Variants in SLC2A13 observed in about 807,000 individuals in gnomAD.
SLC2A13 encodes proton myo-inositol cotransporter.
SLC2A13 carries 32 observed loss-of-function variants against 64.4 expected under a neutral mutation model. The observed-to-expected ratio is 0.50, with a 90% CI of 0.37 to 0.67. The LOEUF is 0.67. SLC2A13 is among the 30% of genes least tolerant of loss of function. SLC2A13 has a pLI of 0.00. For missense variants in SLC2A13, 743 were observed against 829.2 expected (o/e 0.90, Z 1.28); for synonymous variants, 338 against 327.1 (o/e 1.03, Z -0.36).
At chr12:40,064,801 G>T (rs1294634168) in intron 1 of SLC2A13, among the ~76,000 whole-genome samples, 17 of 152,146 alleles carry the variant, frequency 1.1e-4, no homozygotes, top group Admixed American at 1.1e-3. Flanking sequence ...ATTAGTTATA[G>T]TACTAGAAAT....
chr12:39,765,403 C>T (rs1014302308), intron 7 of SLC2A13, among the ~76,000 whole-genome samples: 1 of 152,072 alleles, frequency 6.6e-6, no homozygotes, highest in South Asian at 2.1e-4. Flanking sequence ...TCCCTGATGA[C>T]CTTGCCTTCT....
rs566177557 is a variant in SLC2A13, at chr12:40,063,654, G to A, written c.557-15444C>T. 2.8e-4 allele frequency among the ~76,000 whole-genome samples: 42 copies of A among 152,150 alleles called. No individual in the cohort carries two copies. The South Asian group carries it at 2.9e-3, about 11-fold the overall frequency. The stretch of plus-strand genomic sequence containing the variant: ...CAATGAAATGACAATAGCCATGCAC[G>A]TTCATTTGGATGACCAAGCCGGGGC... On this transcript the variant is annotated intron_variant, in intron 1 of 9. Coordinates refer to ENST00000280871, the MANE Select transcript of SLC2A13 (RefSeq NM_052885.4).
chr12:39,931,335 A>T (rs1023176081), intron 4 of SLC2A13, among the ~76,000 whole-genome samples: 2 of 152,116 alleles, frequency 1.3e-5, no homozygotes, highest in African/African-American at 4.8e-5. Flanking sequence ...ACTAAATGAG[A>T]CCAGAGCTCT....
At chr12:39,942,390 T>C (rs1946047138) in intron 4 of SLC2A13, among the ~76,000 whole-genome samples, 1 of 152,160 alleles carries the variant, frequency 6.6e-6, no homozygotes, top group Admixed American at 6.5e-5. Context: ...CTTCTTTCAG[T>C]AGTGTTTTGT....
At chr12:39,946,942 C>A (rs1432030903) in intron 4 of SLC2A13, among the ~76,000 whole-genome samples, 1 of 152,098 alleles carries the variant, frequency 6.6e-6, no homozygotes, top group Non-Finnish European at 1.5e-5. Flanking sequence ...GGACTTTTAC[C>A]CCCTGCTCCT....
At chr12:40,012,470 A>T (rs931500199) in intron 3 of SLC2A13, among the ~76,000 whole-genome samples, 1 of 152,216 alleles carries the variant, frequency 6.6e-6, no homozygotes, top group Non-Finnish European at 1.5e-5. Context: ...AAGTGTTTCC[A>T]GAAAGATCAA....
Position 39,771,928 on chromosome 12 carries a change from A to T in SLC2A13, c.1446-7070T>A, listed in dbSNP as rs566214796. 1.3e-4 allele frequency among the ~76,000 whole-genome samples: 20 copies of T among 152,184 alleles called. 1 individual carries two copies. In the South Asian group the frequency reaches 4.1e-3, roughly 32 times the overall value. On this transcript the variant is annotated intron_variant, in intron 7 of 9. Coordinates refer to ENST00000280871, the MANE Select transcript of SLC2A13 (RefSeq NM_052885.4). ...CTAGACCCAGTATCTCCTACTCATG[A>T]CGTTTCCTGTAACTGAAGGCAAACT...
At chr12:39,969,954 T>C (rs1343669427) in intron 3 of SLC2A13, among the ~76,000 whole-genome samples, 1 of 152,226 alleles carries the variant, frequency 6.6e-6, no homozygotes, top group African/African-American at 2.4e-5. Flanking sequence ...AAGTCTTTAA[T>C]CCATCTTGAA....
intron 7 of SLC2A13, among the ~76,000 whole-genome samples, chr12:39,784,302 T>C (rs1329546657): frequency 6.6e-6 from 1 of 152,176 alleles, no homozygotes; most frequent in Non-Finnish European, 1.5e-5. Flanking sequence ...GCTGGAGGCA[T>C]CACGCTACCT....
chr12:39,926,206 A>T (rs7308221), intron 4 of SLC2A13, among the ~76,000 whole-genome samples: 94,702 of 151,872 alleles, frequency 0.62, 30,886 homozygotes, highest in East Asian at 0.73. Context: ...AATATAAATA[A>T]ATAACCCTTT....
Position 40,070,359 on chromosome 12 carries a change from T to C in SLC2A13, c.557-22149A>G, listed in dbSNP as rs560482944. ...ATAACTGCTTTGTTCTGATTACAAG[T>C]TCACCAAACAACTTTCCATAAAGGT... On this transcript the variant is annotated intron_variant, in intron 1 of 9. Transcript: ENST00000280871. 2.6e-5 allele frequency among the ~76,000 whole-genome samples: 4 copies of C among 152,236 alleles called. No homozygotes were observed. The South Asian group carries it at 6.2e-4, about 24-fold the overall frequency.
At chr12:40,066,765 T>A (rs974881267) in intron 1 of SLC2A13, among the ~76,000 whole-genome samples, 7 of 152,200 alleles carry the variant, frequency 4.6e-5, no homozygotes, top group East Asian at 3.8e-4. Flanking sequence ...GGCAGTTTCA[T>A]GAACTAAGCT....
chr12:39,960,713 T>A (rs1409329281), intron 3 of SLC2A13, among the ~76,000 whole-genome samples: 3 of 150,406 alleles, frequency 2.0e-5, no homozygotes, highest in Admixed American at 1.3e-4. Flanking sequence ...CAACGTTTAT[T>A]AAATGGTGAA....
chr12:39,801,645 A>C (rs1303102396), intron 7 of SLC2A13, among the ~76,000 whole-genome samples: 1 of 152,248 alleles, frequency 6.6e-6, no homozygotes, highest in African/African-American at 2.4e-5. Flanking sequence ...AGAAGTCAGC[A>C]GACTTATTTT....
At chr12:39,995,630 G>T in intron 3 of SLC2A13, among the ~76,000 whole-genome samples, 1 of 152,196 alleles carries the variant, frequency 6.6e-6, no homozygotes, top group Non-Finnish European at 1.5e-5. Context: ...TGTTGTTTTT[G>T]TCTTTTCCAT....
chr12:39,952,404 A>G (rs1216461784), intron 3 of SLC2A13, among the ~76,000 whole-genome samples: 1 of 152,210 alleles, frequency 6.6e-6, no homozygotes, highest in Non-Finnish European at 1.5e-5. Flanking sequence ...AAGTCCGGTA[A>G]ATTAAAATCC....
intron 1 of SLC2A13, among the ~76,000 whole-genome samples, chr12:40,052,715 C>T (rs186427226): frequency 2.5e-4 from 38 of 152,110 alleles, no homozygotes; most frequent in African/African-American, 8.2e-4. Flanking sequence ...AACTGACATT[C>T]GGCCAGGTAG....
At chr12:40,087,975 CATGGTAG>C (rs1260474833) in intron 1 of SLC2A13, among the ~76,000 whole-genome samples, 3 of 152,086 alleles carry the variant, frequency 2.0e-5, no homozygotes, top group Non-Finnish European at 4.4e-5. Flanking sequence ...GAGGCAGGTG[CATGGTAG>C]ATATGTTAAA....
At chr12:39,940,195 G>A (rs1397639250) in intron 4 of SLC2A13, among the ~76,000 whole-genome samples, 2 of 152,162 alleles carry the variant, frequency 1.3e-5, no homozygotes, top group Non-Finnish European at 2.9e-5. Flanking sequence ...GAGGCAGAGA[G>A]GGGAAGACAC....
Sources: allele counts gnomAD v4.1 joint callset (sites outside exome capture counted in the v4.1 genomes callset), GRCh38; gene constraint gnomAD v4.1.1; transcripts MANE v1.5; gene names NCBI Gene and HGNC (gene_info 2026-07-23, HGNC 2026-07-21).